Variants in XPOT observed in about 807,000 individuals in gnomAD.
XPOT encodes the protein exportin for tRNA, also known as exportin-T.
XPOT carries 34 observed loss-of-function variants against 128.2 expected under a neutral mutation model. That is an observed-to-expected ratio of 0.27 (90% CI 0.20 to 0.35). The LOEUF (loss-of-function observed/expected upper bound fraction) is 0.35, where lower values mean the gene tolerates loss of function less well. XPOT is among the 10% of genes least tolerant of loss of function. The pLI is 1.00. For synonymous variants in XPOT, 348 were observed against 394.3 expected (o/e 0.88, Z 1.39); for missense variants, 838 against 1,125.3 (o/e 0.74, Z 3.65).
chr12:64,432,947 T>C (rs1045047870), intron 18 of XPOT, among the ~76,000 whole-genome samples: 1 of 152,184 alleles, frequency 6.6e-6, no homozygotes, highest in Non-Finnish European at 1.5e-5. Flanking sequence ...TTAAGGTTTT[T>C]TCCCCACCTT....
Position 64,423,161 on chromosome 12 carries a change from TA to T in XPOT, c.1120-20del. ...AGAAGGAGACTGACAAAAACTCTTT[TA>T]TTCTCAATTTTATTCTTAGGCAATC... On this transcript the variant is annotated intron_variant, in intron 10 of 24. Coordinates refer to ENST00000332707, the MANE Select transcript of XPOT (RefSeq NM_007235.6). 1 of 1,600,134 alleles carries T rather than the reference TA, an allele frequency of 6.2e-7. No homozygotes were observed. Among genetic ancestry groups the T allele is most frequent in the Non-Finnish European group, 8.5e-7 (1 of 1,174,534 alleles).
chr12:64,418,850 T>C (rs1438321406), intron 5 of XPOT, 26 bp from the exon 6 acceptor site: 3 of 1,602,078 alleles, frequency 1.9e-6, no homozygotes, highest in Non-Finnish European at 2.6e-6. Flanking sequence ...ACATTTAATT[T>C]TATGGACTGT....
intron 1 of XPOT, among the ~76,000 whole-genome samples, chr12:64,405,563 C>G (rs935649889): frequency 6.6e-6 from 1 of 152,188 alleles, no homozygotes; most frequent in African/African-American, 2.4e-5. Flanking sequence ...CTTGCCTTCC[C>G]CCAAGAACCT....
intron 6 of XPOT, among the ~76,000 whole-genome samples, chr12:64,419,526 C>T (rs542953950): frequency 1.3e-5 from 2 of 152,282 alleles, no homozygotes; most frequent in Non-Finnish European, 2.9e-5. Flanking sequence ...CCAGGCTGTG[C>T]TCAAACTCCT....
intron 15 of XPOT, among the ~76,000 whole-genome samples, chr12:64,426,222 G>A (rs1312526940): frequency 2.0e-5 from 3 of 149,426 alleles, no homozygotes; most frequent in South Asian, 2.1e-4. Context: ...CAGGAGAATC[G>A]CTTGAACCTG....
In XPOT at chr12:64,439,122, C is replaced by G. The variant is rs748117381; in HGVS notation, c.2734-122C>G. 4 of 849,290 alleles carry G rather than the reference C, an allele frequency of 4.7e-6. No individual in the cohort carries two copies. The African/African-American group carries it at 6.8e-5, about 15-fold the overall frequency. 52.6% of individuals were successfully genotyped at this position (849,290 alleles called of 1,614,324 possible). ...CTTCAAACCAAGGCAGTCTGGCTCT[C>G]GGGTCTGTGTTCTTAAGCACAATAC... On this transcript the variant is annotated intron_variant, in intron 22 of 24. Coordinates refer to ENST00000332707, the MANE Select transcript of XPOT (RefSeq NM_007235.6).
At chr12:64,427,657 G>T (rs1592333903) in intron 15 of XPOT, among the ~76,000 whole-genome samples, 1 of 151,900 alleles carries the variant, frequency 6.6e-6, no homozygotes, top group African/African-American at 2.4e-5. Context: ...ACGATGGCCG[G>T]CTAATTTTTG....
At chr12:64,445,197 A>G in intron 24 of XPOT, 66 bp downstream of exon 24, 4 of 1,208,086 alleles carry the variant, frequency 3.3e-6, no homozygotes, top group Non-Finnish European at 4.8e-6. Flanking sequence ...AAGAGAGAAT[A>G]CATACCTGCA....
chr12:64,442,480 C>G (rs1321329543), intron 23 of XPOT: 1 of 152,382 alleles, frequency 6.6e-6, no homozygotes, highest in African/African-American at 2.4e-5. Flanking sequence ...ATCAATTACC[C>G]TAGCCCATAG....
Position 64,414,925 on chromosome 12 carries a change from C to A in XPOT, c.79C>A (p.Gln27Lys), listed in dbSNP as rs2040074012. ...CTTATAGGCCCTGGCCTATTTTGAG[C>A]AGTTAAAAATTTCCCCAGATGCCTG... ...FRQRALAYFE[Q>K]LKISPDAWQV... is the part of the protein sequence containing the mutation. The change falls in exon 3 of 25, where the codon CAG (glutamine) becomes AAG (lysine). Residue 27 changes from glutamine to lysine, a missense_variant. By Grantham distance (53) the Gln-to-Lys change is moderately conservative. Transcript: ENST00000332707. 1 of 1,612,672 alleles carries A rather than the reference C, an allele frequency of 6.2e-7. No homozygotes were observed. The highest frequency in any genetic ancestry group is 1.3e-5 in the African/African-American group (1 of 74,856).
intron 21 of XPOT, 103 bp downstream of exon 21, chr12:64,435,012 A>C: frequency 1.0e-6 from 1 of 966,324 alleles, no homozygotes; most frequent in Non-Finnish European, 1.5e-6. Context: ...TTTTTTTTTT[A>C]ACTTAGTGAT....
At chr12:64,421,949 A>ATTAC (rs1192744381) in intron 9 of XPOT, among the ~76,000 whole-genome samples, 1 of 152,132 alleles carries the variant, frequency 6.6e-6, no homozygotes, top group Non-Finnish European at 1.5e-5. Context: ...AGTACCTGGG[A>ATTAC]TTACAGGCAT....
chr12:64,432,223 TAC>T (rs2040245321), intron 18 of XPOT, among the ~76,000 whole-genome samples: 1 of 152,126 alleles, frequency 6.6e-6, no homozygotes, highest in African/African-American at 2.4e-5. Flanking sequence ...GGTTAATACT[TAC>T]ATAGTACCTC....
At position 64,418,864 on chromosome 12, in the gene XPOT, T is replaced by C; in HGVS notation, c.271-12T>C. The C allele has an allele frequency of 6.2e-7, 1 of 1,611,684 alleles. No individual in the cohort carries two copies. The highest frequency in any genetic ancestry group is 8.5e-7 in the Non-Finnish European group (1 of 1,178,822). On this transcript the variant is annotated splice_polypyrimidine_tract_variant and intron_variant, in intron 5 of 24. Transcript: ENST00000332707. Reference sequence around the variant, plus strand: ...TACATTTAATTTTATGGACTGTTTCTCTGTTTGTCAGATGCTGAATCCCCA... The same window carrying C: ...TACATTTAATTTTATGGACTGTTTCCCTGTTTGTCAGATGCTGAATCCCCA...
chr12:64,426,366 A>T (rs1455008671), intron 15 of XPOT, among the ~76,000 whole-genome samples: 1 of 152,110 alleles, frequency 6.6e-6, no homozygotes, highest in Non-Finnish European at 1.5e-5. Flanking sequence ...AGCCATAACA[A>T]AGAACAAAAT....
chr12:64,409,978 C>A lies in XPOT; in HGVS notation c.-58C>A. Reference sequence around the variant, plus strand: ...TTGTGGCAGATGTTTATAAATTCTTCTGTGGGATCAGAGGGCACGCCTATT... The same window carrying A: ...TTGTGGCAGATGTTTATAAATTCTTATGTGGGATCAGAGGGCACGCCTATT... On this transcript the variant is annotated 5_prime_UTR_variant, in exon 2 of 25. The change creates a new upstream start codon in the 5' untranslated region. Transcript: ENST00000332707. 1 of 1,423,024 alleles carries A rather than the reference C, an allele frequency of 7.0e-7. No homozygotes were observed. The highest frequency in any genetic ancestry group is 9.9e-7 in the Non-Finnish European group (1 of 1,015,154). 88.1% of individuals were successfully genotyped at this position (1,423,024 alleles called of 1,614,324 possible). A position where few individuals can be genotyped will look rare whatever the true frequency, so the allele number is the denominator to read the frequency against.
chr12:64,439,400 A>C (rs1438502147), intron 23 of XPOT, 85 bp downstream of exon 23: 12 of 1,242,210 alleles, frequency 9.7e-6, no homozygotes, highest in Non-Finnish European at 1.4e-5. Context: ...GCAGAAATCA[A>C]AAATATTTTC....
At chr12:64,446,301 A>G (rs1015489053) in intron 24 of XPOT, among the ~76,000 whole-genome samples, 2 of 152,174 alleles carry the variant, frequency 1.3e-5, no homozygotes, top group Non-Finnish European at 2.9e-5. Flanking sequence ...TCTGGGCCCA[A>G]CTTCTCTTCA....
chr12:64,420,124 A>T lies in XPOT; in HGVS notation c.544A>T (p.Asn182Tyr), dbSNP rs1219041182. The T allele has an allele frequency of 1.9e-6, 3 of 1,608,578 alleles. No individual in the cohort carries two copies. Among genetic ancestry groups the T allele is most frequent in the South Asian group, 1.1e-5 (1 of 89,750 alleles). ...TACCATGAGGGAACAGTGCATTCCA[A>T]ATCTGGTGGAATCATGGTACCAAAT... ...KDTMREQCIP[N>Y]LVESWYQILQ... Residue 182 changes from asparagine (N) to tyrosine (Y), a missense_variant, in exon 7 of 25, where the codon AAT (asparagine) becomes TAT (tyrosine). Physicochemically the swap from Asn to Tyr is moderately radical, Grantham distance 143. Transcript: ENST00000332707.
Sources: allele counts gnomAD v4.1 joint callset (sites outside exome capture counted in the v4.1 genomes callset), GRCh38; gene constraint gnomAD v4.1.1; transcripts MANE v1.5; gene names NCBI Gene and HGNC (gene_info 2026-07-23, HGNC 2026-07-21).